The following NLGN1 variants were observed in gnomAD, a reference collection of about 807,000 sequenced individuals.
NLGN1 encodes the protein neuroligin-1.
NLGN1 carries 12 observed loss-of-function variants against 65.5 expected under a neutral mutation model. That is an observed-to-expected ratio of 0.18 (90% CI 0.12 to 0.30). NLGN1 has a LOEUF of 0.30. Ranked by LOEUF, NLGN1 falls within the 10% of genes least tolerant of loss-of-function variation. The pLI is 1.00. For synonymous variants in NLGN1, 350 were observed against 359.5 expected, an observed-to-expected ratio of 0.97 and a Z score of 0.30; for missense variants, 750 against 1,007.1, an observed-to-expected ratio of 0.74 and a Z score of 3.46.
intron 4 of NLGN1, among the ~76,000 whole-genome samples, chr3:174,239,217 C>T (rs1035665912): frequency 3.6e-4 from 54 of 152,074 alleles, no homozygotes; most frequent in African/African-American, 1.2e-3. Context: ...TACAAGCATG[C>T]GCCACCACAC....
At chr3:173,767,220 T>C (rs1778905879) in intron 3 of NLGN1, among the ~76,000 whole-genome samples, 1 of 152,126 alleles carries the variant, frequency 6.6e-6, no homozygotes, top group Admixed American at 6.5e-5. Flanking sequence ...AAATTGGTAC[T>C]GAAAACAATG....
chr3:174,163,025 A>G (rs774708600), intron 4 of NLGN1, among the ~76,000 whole-genome samples: 38 of 151,944 alleles, frequency 2.5e-4, no homozygotes, highest in Admixed American at 7.2e-4. Context: ...GTTCACAAGC[A>G]AGTTCCCTGG....
chr3:174,026,956 T>G (rs1166529679), intron 4 of NLGN1, among the ~76,000 whole-genome samples: 1 of 152,060 alleles, frequency 6.6e-6, no homozygotes, highest in Non-Finnish European at 1.5e-5. Context: ...ATACATTTAT[T>G]AAGCAGCAAT....
chr3:173,757,161 A>T (rs1028101013), intron 3 of NLGN1, among the ~76,000 whole-genome samples: 2 of 152,060 alleles, frequency 1.3e-5, no homozygotes. Flanking sequence ...ATATCTAGTG[A>T]TACCACCTAT....
chr3:174,167,010 CT>C (rs368420782), intron 4 of NLGN1, among the ~76,000 whole-genome samples: 10 of 151,928 alleles, frequency 6.6e-5, no homozygotes, highest in African/African-American at 2.4e-4. Flanking sequence ...AACCCCTACT[CT>C]TTTTTGTTTT....
Position 173,943,053 on chromosome 3 carries a change from C to T in NLGN1, c.646+135221C>T, listed in dbSNP as rs137973868. Among the ~76,000 whole-genome samples, 21 of 151,922 alleles carry T rather than the reference C, an allele frequency of 1.4e-4. No individual in the cohort carries two copies. The East Asian group carries it at 3.5e-3, about 25-fold the overall frequency. ...CCTCCTGAGAAACATGGCAAAACCCCATCTTTACAAAAAATATAAAAAATT... is the reference window on the plus strand; with the variant it reads ...CCTCCTGAGAAACATGGCAAAACCCTATCTTTACAAAAAATATAAAAAATT... On this transcript the variant is annotated intron_variant, in intron 4 of 6. Coordinates refer to ENST00000457714, the Ensembl canonical transcript of NLGN1.
chr3:173,827,699 C>T (rs1195596259), intron 4 of NLGN1, among the ~76,000 whole-genome samples: 2 of 150,192 alleles, frequency 1.3e-5, no homozygotes, highest in Non-Finnish European at 3.0e-5. Context: ...TGGAAATTGG[C>T]TAATGCAAGT....
At chr3:173,587,489 C>A (rs1747691202) in intron 2 of NLGN1, among the ~76,000 whole-genome samples, 2 of 152,280 alleles carry the variant, frequency 1.3e-5, no homozygotes, top group Admixed American at 1.3e-4. Context: ...TAGATAAATG[C>A]TCTCCCTAAT....
chr3:173,396,791 C>G (rs972983775), upstream of NLGN1: 1 of 152,328 alleles, frequency 6.6e-6, no homozygotes, highest in African/African-American at 2.4e-5. Context: ...TTCGCCTTCC[C>G]CACCTTCCAC....
intron 3 of NLGN1, among the ~76,000 whole-genome samples, chr3:173,751,467 A>T (rs1776289679): frequency 6.6e-6 from 1 of 152,114 alleles, no homozygotes; most frequent in South Asian, 2.1e-4. Flanking sequence ...AAAAGTAAAA[A>T]CATGTGAGTA....
At chr3:173,989,037 C>T (rs770517411) in intron 4 of NLGN1, among the ~76,000 whole-genome samples, 5 of 152,104 alleles carry the variant, frequency 3.3e-5, no homozygotes, top group Non-Finnish European at 7.4e-5. Context: ...GATGAGTTGA[C>T]ACTTAATTTG....
chr3:174,044,981 C>T (rs756947145), intron 4 of NLGN1, among the ~76,000 whole-genome samples: 1 of 152,016 alleles, frequency 6.6e-6, no homozygotes, highest in South Asian at 2.1e-4. Flanking sequence ...TTCCTGAGGC[C>T]TCCCCAGCCA....
At chr3:173,920,072 C>T (rs966494605) in intron 4 of NLGN1, among the ~76,000 whole-genome samples, 1 of 151,862 alleles carries the variant, frequency 6.6e-6, no homozygotes, top group Non-Finnish European at 1.5e-5. Flanking sequence ...AAGGAGCAAA[C>T]CTAGTATCTT....
intron 4 of NLGN1, among the ~76,000 whole-genome samples, chr3:174,183,631 G>A (rs1730844370): frequency 6.6e-6 from 1 of 152,094 alleles, no homozygotes. Flanking sequence ...AAGAAACACT[G>A]CAATGAGGAA....
At chr3:174,011,207 A>T (rs536534661) in intron 4 of NLGN1, among the ~76,000 whole-genome samples, 2 of 152,282 alleles carry the variant, frequency 1.3e-5, no homozygotes, top group African/African-American at 4.8e-5. Context: ...GCACAAATCT[A>T]TTCTTTTTCA....
intron 2 of NLGN1, among the ~76,000 whole-genome samples, chr3:173,509,570 A>G (rs938175539): frequency 1.3e-5 from 2 of 152,150 alleles, no homozygotes; most frequent in African/African-American, 4.8e-5. Context: ...CCATACTGTG[A>G]AACTAAACGC....
intron 2 of NLGN1, among the ~76,000 whole-genome samples, chr3:173,586,720 T>C (rs1747514093): frequency 6.6e-6 from 1 of 152,180 alleles, no homozygotes; most frequent in Admixed American, 6.5e-5. Flanking sequence ...TAGGTTAGTC[T>C]CTTTTTACTC....
At chr3:173,846,047 CTGAGATTATAGGCA>C (rs754135290) in intron 4 of NLGN1, among the ~76,000 whole-genome samples, 38 of 152,068 alleles carry the variant, frequency 2.5e-4, no homozygotes, top group Admixed American at 2.0e-4. Context: ...TTCTGAGCAG[CTGAGATTATAGGCA>C]TGTACCACCA....
At chr3:174,181,942 A>C (rs1730502064) in intron 4 of NLGN1, among the ~76,000 whole-genome samples, 1 of 141,576 alleles carries the variant, frequency 7.1e-6, no homozygotes, top group South Asian at 2.2e-4. Flanking sequence ...GCACCACTGC[A>C]CTCCAGCCTG....
Sources: allele counts gnomAD v4.1 joint callset (sites outside exome capture counted in the v4.1 genomes callset), GRCh38; gene constraint gnomAD v4.1.1; transcripts MANE v1.5; gene names NCBI Gene and HGNC (gene_info 2026-07-23, HGNC 2026-07-21).